Variants in SLIT3 observed in about 807,000 individuals in gnomAD.
SLIT3 encodes slit homolog 3 protein.
In SLIT3, 68 loss-of-function variants were observed where a neutral mutation model predicts 184.0. The ratio of observed to expected loss-of-function variants is 0.37; its 90% CI spans 0.30 to 0.45. SLIT3 has a LOEUF of 0.45. Ranked by LOEUF, SLIT3 falls within the 20% of genes least tolerant of loss-of-function variation. The pLI is 1.00. For synonymous variants in SLIT3, 831 were observed against 828.6 expected (o/e 1.00, Z -0.05); for missense variants, 1,707 against 2,026.0 (o/e 0.84, Z 3.02).
chr5:169,139,717 A>G (rs971424277), intron 4 of SLIT3, among the ~76,000 whole-genome samples: 4 of 152,234 alleles, frequency 2.6e-5, no homozygotes, highest in South Asian at 2.1e-4. Flanking sequence ...GGTGCTGACA[A>G]TATCATACAG....
At chr5:168,700,354 C>T (rs527824762) in intron 27 of SLIT3, among the ~76,000 whole-genome samples, 20 of 152,324 alleles carry the variant, frequency 1.3e-4, no homozygotes, top group African/African-American at 4.1e-4. Context: ...CCAGAGCTGA[C>T]GGTTTTATAA....
chr5:169,169,065 G>A (rs531410152), intron 4 of SLIT3, among the ~76,000 whole-genome samples: 38 of 152,198 alleles, frequency 2.5e-4, no homozygotes, highest in Non-Finnish European at 4.1e-4. Flanking sequence ...TTTCTAACTC[G>A]CACAGAGGTG....
At chr5:168,947,861 TG>T in intron 4 of SLIT3, among the ~76,000 whole-genome samples, 1 of 152,056 alleles carries the variant, frequency 6.6e-6, no homozygotes, top group Non-Finnish European at 1.5e-5. Flanking sequence ...ATCTCGATCT[TG>T]GCTCACTGCA....
In SLIT3 at chr5:168,968,462, C is replaced by T. The variant is rs531237819; in HGVS notation, c.414-85126G>A. 3.3e-5 allele frequency among the ~76,000 whole-genome samples: 5 copies of T among 152,302 alleles called. No individual in the cohort carries two copies. The East Asian group carries it at 5.8e-4, about 18-fold the overall frequency. On this transcript the variant is annotated intron_variant, in intron 4 of 35. Coordinates refer to ENST00000519560, the MANE Select transcript of SLIT3 (RefSeq NM_003062.4). ...TCACTGCCATCATTGTCAACAGTCTCGCTGCCAACTTTGGAAGGTGTCTTT... is the reference window on the plus strand; with the variant it reads ...TCACTGCCATCATTGTCAACAGTCTTGCTGCCAACTTTGGAAGGTGTCTTT...
chr5:168,958,101 T>G (rs527361753), intron 4 of SLIT3, among the ~76,000 whole-genome samples: 140 of 152,320 alleles, frequency 9.2e-4, no homozygotes, highest in African/African-American at 3.1e-3. Context: ...TAGAGTAGTG[T>G]GATAAATGAA....
chr5:168,972,114 G>A (rs1019517066), intron 4 of SLIT3, among the ~76,000 whole-genome samples: 1 of 152,192 alleles, frequency 6.6e-6, no homozygotes, highest in African/African-American at 2.4e-5. Context: ...ACCTGAAGGG[G>A]AGGGCTCCAG....
chr5:169,137,431 G>A (rs1761561015), intron 4 of SLIT3, among the ~76,000 whole-genome samples: 1 of 151,920 alleles, frequency 6.6e-6, no homozygotes, highest in African/African-American at 2.4e-5. Flanking sequence ...GCCTCAGGGG[G>A]CTGGTAACTT....
chr5:169,136,586 G>A (rs1219470400), intron 4 of SLIT3, among the ~76,000 whole-genome samples: 1 of 152,172 alleles, frequency 6.6e-6, no homozygotes, highest in Non-Finnish European at 1.5e-5. Context: ...ACAAGGCTAT[G>A]GTGGAAACTG....
intron 4 of SLIT3, among the ~76,000 whole-genome samples, chr5:168,894,588 C>T (rs1215830784): frequency 2.6e-5 from 4 of 152,154 alleles, no homozygotes; most frequent in Non-Finnish European, 4.4e-5. Flanking sequence ...ACTAAGGAGC[C>T]ACAGATAAAG....
At chr5:168,772,545 C>A in intron 14 of SLIT3, 3 of 530,086 alleles carry the variant, frequency 5.7e-6, no homozygotes, top group Admixed American at 7.2e-5. Context: ...TCCCCTGCAA[C>A]CGTCTCCTCC....
chr5:168,937,308 A>C (rs985215868), intron 4 of SLIT3, among the ~76,000 whole-genome samples: 2 of 152,142 alleles, frequency 1.3e-5, no homozygotes, highest in African/African-American at 4.8e-5. Flanking sequence ...AAACCATTAA[A>C]GTGTTGTGAG....
At chr5:168,887,936 A>AT (rs1258283016) in intron 4 of SLIT3, among the ~76,000 whole-genome samples, 1 of 152,176 alleles carries the variant, frequency 6.6e-6, no homozygotes, top group Non-Finnish European at 1.5e-5. Flanking sequence ...TACTCTTTCC[A>AT]TAAAATCTGA....
At chr5:169,063,633 C>T (rs1036388759) in intron 4 of SLIT3, among the ~76,000 whole-genome samples, 2 of 152,196 alleles carry the variant, frequency 1.3e-5, no homozygotes, top group African/African-American at 2.4e-5. Flanking sequence ...CAGGGAGATC[C>T]TAGTGAAAGT....
At chr5:169,103,024 A>C (rs778454502) in intron 4 of SLIT3, among the ~76,000 whole-genome samples, 7 of 152,214 alleles carry the variant, frequency 4.6e-5, no homozygotes, top group Admixed American at 2.6e-4. Context: ...TAATACTAAT[A>C]AATAGTCATG....
chr5:168,785,380 T>C (rs1336483018), intron 12 of SLIT3, among the ~76,000 whole-genome samples: 1 of 152,206 alleles, frequency 6.6e-6, no homozygotes, highest in East Asian at 1.9e-4. Context: ...GCAACAACCC[T>C]TCCTTTAAAT....
intron 5 of SLIT3, among the ~76,000 whole-genome samples, chr5:168,880,666 T>C (rs1759917455): frequency 6.6e-6 from 1 of 152,190 alleles, no homozygotes; most frequent in African/African-American, 2.4e-5. Flanking sequence ...CCAACTATTA[T>C]CCTCATTTTA....
At chr5:168,983,602 C>A (rs1755024480) in intron 4 of SLIT3, among the ~76,000 whole-genome samples, 1 of 152,188 alleles carries the variant, frequency 6.6e-6, no homozygotes, top group Non-Finnish European at 1.5e-5. Context: ...ATAAGTGGCT[C>A]TGTGCCTCAA....
chr5:168,711,585 T>C (rs1762561562), intron 24 of SLIT3, among the ~76,000 whole-genome samples: 1 of 152,176 alleles, frequency 6.6e-6, no homozygotes, highest in African/African-American at 2.4e-5. Flanking sequence ...AGAATATGCA[T>C]ACGTAGTATA....
rs77789118 is a variant in SLIT3, at chr5:168,988,686, G to C, written c.414-105350C>G. 4.7e-3 allele frequency among the ~76,000 whole-genome samples: 718 copies of C among 152,286 alleles called. 8 individuals are homozygous for C. The highest frequency in any genetic ancestry group is 0.016 in the African/African-American group (683 of 41,554). On this transcript the variant is annotated intron_variant, in intron 4 of 35. Coordinates refer to ENST00000519560, the MANE Select transcript of SLIT3 (RefSeq NM_003062.4). ...ATTAACATGCATACGTTATATAAAA[G>C]GGTGAATGGGTGGGATTTAAATTTC...
Sources: gnomAD v4.1 joint callset for allele counts (sites outside exome capture counted in the v4.1 genomes callset) on GRCh38, gnomAD v4.1.1 for gene constraint, MANE v1.5 for transcripts, NCBI Gene and HGNC (gene_info 2026-07-23, HGNC 2026-07-21) for gene names.